The following PAK3 variants were observed in gnomAD, a reference collection of about 807,000 sequenced individuals.
The protein encoded by PAK3 is serine/threonine-protein kinase PAK 3.
In PAK3, 4 loss-of-function variants were observed where a neutral mutation model predicts 41.0. The observed-to-expected ratio is 0.10, with a 90% CI of 0.05 to 0.22. The LOEUF (loss-of-function observed/expected upper bound fraction) is 0.22. PAK3 is among the 10% of genes least tolerant of loss of function. The pLI is 1.00. For missense variants in PAK3, 205 were observed against 409.9 expected, an observed-to-expected ratio of 0.50 and a Z score of 4.32; for synonymous variants, 146 against 139.6, an observed-to-expected ratio of 1.05 and a Z score of -0.32.
chrX:111,208,301 A>G (rs1463847031), intron 16 of PAK3, among the ~76,000 whole-genome samples: 1 of 112,442 alleles, frequency 8.9e-6, no homozygotes, highest in Non-Finnish European at 1.9e-5. Context: ...CTAATTTATT[A>G]TCGAAGAAAG....
intron 1 of PAK3, among the ~76,000 whole-genome samples, chrX:111,019,086 A>T (rs1268172185): frequency 9.0e-6 from 1 of 111,333 alleles, no homozygotes; most frequent in East Asian, 2.8e-4. Flanking sequence ...CCATATACAT[A>T]AATTAACTTA....
intron 5 of PAK3, 138 bp downstream of exon 5, chrX:111,123,416 A>T (rs2093607344): frequency 2.0e-6 from 1 of 494,722 alleles, no homozygotes; most frequent in Admixed American, 3.7e-5. Context: ...CAGAGGTTGC[A>T]TTTTGTCAGA....
At chrX:111,165,920 G>T (rs2094248992) in intron 10 of PAK3, among the ~76,000 whole-genome samples, 1 of 111,580 alleles carries the variant, frequency 9.0e-6, no homozygotes, top group Non-Finnish European at 1.9e-5. Flanking sequence ...TGAGCAACAT[G>T]GTGAAGAAGG....
chrX:110,956,387 C>T (rs1252980773), intron 1 of PAK3, among the ~76,000 whole-genome samples: 1 of 111,364 alleles, frequency 9.0e-6, no homozygotes, highest in Admixed American at 9.5e-5. Context: ...ACTTGTGGAT[C>T]CCTTGGTCCC....
chrX:111,174,654 G>A (rs1366234234), intron 11 of PAK3, among the ~76,000 whole-genome samples: 1 of 111,741 alleles, frequency 8.9e-6, no homozygotes, highest in Admixed American at 9.5e-5. Flanking sequence ...GTGTGGCTAT[G>A]GGGCACTTGG....
chrX:111,172,994 C>G, intron 10 of PAK3, 24 bp from the exon 11 acceptor site: 1 of 918,837 alleles, frequency 1.1e-6, no homozygotes, highest in Non-Finnish European at 1.6e-6. Context: ...CTCCTCTTTT[C>G]TTCTCTCCCC....
At chrX:111,058,856 A>C (rs189598848) in intron 1 of PAK3, among the ~76,000 whole-genome samples, 128 of 111,822 alleles carry the variant, frequency 1.1e-3, no homozygotes, top group Non-Finnish European at 2.1e-3. Flanking sequence ...GACAGTGGTC[A>C]AAATTTATTC....
chrX:110,949,059 C>T (rs909575605), intron 1 of PAK3, among the ~76,000 whole-genome samples: 1 of 112,122 alleles, frequency 8.9e-6, no homozygotes, highest in Non-Finnish European at 1.9e-5. Context: ...CATGACAGAA[C>T]AGAAGTCATT....
At chrX:111,166,346 C>T (rs968963352) in intron 10 of PAK3, among the ~76,000 whole-genome samples, 1 of 111,725 alleles carries the variant, frequency 9.0e-6, no homozygotes, top group East Asian at 2.8e-4. Context: ...CTCTGTTACC[C>T]AGGCTGGAGT....
chrX:110,984,294 A>G (rs781282302), intron 1 of PAK3, among the ~76,000 whole-genome samples: 1 of 112,280 alleles, frequency 8.9e-6, no homozygotes, highest in South Asian at 3.7e-4. Flanking sequence ...ACCAGTGCAC[A>G]TGGCCTTGCA....
chrX:111,142,930 A>C (rs766755818), intron 6 of PAK3, among the ~76,000 whole-genome samples: 1 of 110,613 alleles, frequency 9.0e-6, no homozygotes, highest in South Asian at 3.9e-4. Flanking sequence ...ACAAGATCTC[A>C]GATCTATGGA....
chrX:111,071,123 T>C (rs1270669443), intron 1 of PAK3, among the ~76,000 whole-genome samples: 2 of 112,269 alleles, frequency 1.8e-5, no homozygotes, highest in African/African-American at 3.2e-5. Context: ...CATGTAATTA[T>C]CAGGTATTGG....
chrX:111,049,373 A>G (rs1025914541), intron 1 of PAK3, among the ~76,000 whole-genome samples: 1 of 112,543 alleles, frequency 8.9e-6, no homozygotes, highest in Non-Finnish European at 1.9e-5. Flanking sequence ...CCATTAGAGC[A>G]GGAACCTTTT....
chrX:111,199,116 G>A (rs1234492461), intron 16 of PAK3, among the ~76,000 whole-genome samples: 1 of 111,024 alleles, frequency 9.0e-6, no homozygotes. Flanking sequence ...TATTGATTTG[G>A]CTCTTAACTG....
intron 1 of PAK3, among the ~76,000 whole-genome samples, chrX:111,014,713 A>T (rs1292005755): frequency 9.0e-6 from 1 of 111,473 alleles, no homozygotes; most frequent in African/African-American, 3.3e-5. Context: ...CAAGCCTGAA[A>T]TGTCCACTAC....
chrX:111,061,770 T>C (rs1399416785), intron 1 of PAK3, among the ~76,000 whole-genome samples: 1 of 111,580 alleles, frequency 9.0e-6, no homozygotes, highest in Non-Finnish European at 1.9e-5. Context: ...TTATTATTGG[T>C]GTATAGGTAA....
chrX:111,127,152 A>G (rs1038824678), intron 5 of PAK3, among the ~76,000 whole-genome samples: 1 of 112,029 alleles, frequency 8.9e-6, no homozygotes, highest in Admixed American at 9.5e-5. Flanking sequence ...TTTATCATGA[A>G]TATTTTCCTA....
At chrX:111,177,585 C>T (rs996950876) in intron 11 of PAK3, among the ~76,000 whole-genome samples, 12 of 112,152 alleles carry the variant, frequency 1.1e-4, no homozygotes, top group Non-Finnish European at 1.9e-4. Flanking sequence ...CCAAAATTAT[C>T]ATTAACTCAA....
intron 16 of PAK3, among the ~76,000 whole-genome samples, chrX:111,206,132 C>A (rs932146942): frequency 9.0e-6 from 1 of 111,192 alleles, no homozygotes; most frequent in African/African-American, 3.3e-5. Context: ...CCTTATCTAT[C>A]TTCATTTCTC....
Sources: gnomAD v4.1 joint callset for allele counts (sites outside exome capture counted in the v4.1 genomes callset) on GRCh38, gnomAD v4.1.1 for gene constraint, MANE v1.5 for transcripts, NCBI Gene and HGNC (gene_info 2026-07-23, HGNC 2026-07-21) for gene names.